MYT1: variants seen among roughly 807,000 people sequenced by gnomAD.
MYT1 encodes the protein myelin transcription factor 1.
Under a neutral mutation model 123.0 loss-of-function variants are expected in MYT1, and 23 were observed. The ratio of observed to expected loss-of-function variants is 0.19; its 90% CI spans 0.13 to 0.26. The LOEUF is 0.26. MYT1 is among the 10% of genes least tolerant of loss of function. The probability of loss-of-function intolerance (pLI) is 1.00; values close to 1 mark genes in which losing one functional copy is unlikely to be tolerated. For missense variants in MYT1, 1,125 were observed against 1,472.5 expected (o/e 0.76, Z 3.86); for synonymous variants, 518 against 575.3 (o/e 0.90, Z 1.43).
intron 8 of MYT1, 118 bp from the exon 9 acceptor site, chr20:64,211,930 C>A: frequency 1.2e-6 from 1 of 819,908 alleles, no homozygotes; most frequent in Non-Finnish European, 2.0e-6. Context: ...ACCTGCCTAC[C>A]AAGCAGCAGC....
At chr20:64,237,427 C>G (rs1984585814) in intron 21 of MYT1, 37 bp downstream of exon 21, 2 of 1,489,320 alleles carry the variant, frequency 1.3e-6, no homozygotes, top group Non-Finnish European at 1.8e-6. Flanking sequence ...GGCTCTTTGC[C>G]CACCCAACCC....
At position 64,164,473 on chromosome 20, in the gene MYT1, C is replaced by T. The variant is rs1243607368; in HGVS notation, c.-365C>T. ...GGGTAGCGTATTTACAAAGGAGCCT[C>T]CTCCGCCAGCCCGTGCCACCGCTGC... On this transcript the variant is annotated 5_prime_UTR_variant, in exon 1 of 23. Transcript: ENST00000328439. 2 of 152,186 alleles carry T rather than the reference C, an allele frequency of 1.3e-5. No homozygotes were observed. The highest frequency in any genetic ancestry group is 2.9e-5 in the Non-Finnish European group (2 of 68,042). The allele number at this position is 152,186 out of a possible 1,614,324, so 9.4% of individuals were successfully genotyped here.
intron 10 of MYT1, 134 bp from the exon 11 acceptor site, chr20:64,216,933 A>G (rs8120950): frequency 0.18 from 138,974 of 768,434 alleles, 13,649 homozygotes; most frequent in Middle Eastern, 0.24. Flanking sequence ...ATGCAGGGGT[A>G]GTGTCTTCCT....
chr20:64,170,884 TAGAGAGAGAG>T (rs71197459), intron 1 of MYT1, among the ~76,000 whole-genome samples: 402 of 19,866 alleles, frequency 0.02, 10 homozygotes, highest in Middle Eastern at 0.042. Context: ...TATATATATA[TAGAGAGAGAG>T]AGAGAGAGAG....
chr20:64,223,594 TA>T (rs1026430549), intron 16 of MYT1, among the ~76,000 whole-genome samples: 8 of 152,010 alleles, frequency 5.3e-5, no homozygotes, highest in Non-Finnish European at 1.0e-4. Context: ...CGCTGGGGGC[TA>T]GGGGTCGCTG....
At chr20:64,215,496 T>C (rs1983809950) in intron 10 of MYT1, among the ~76,000 whole-genome samples, 2 of 152,194 alleles carry the variant, frequency 1.3e-5, no homozygotes, top group African/African-American at 4.8e-5. Context: ...CAAAGCTTCG[T>C]TGGCATTGTG....
In MYT1 at chr20:64,208,048, AGAGGAAGAGGAGGAG is replaced by A. The variant is rs751682616; in HGVS notation, c.864_878del (p.Glu302_Glu306del). The A allele has an allele frequency of 1.3e-6, 2 of 1,586,486 alleles. No homozygotes were observed. The highest frequency in any genetic ancestry group is 1.7e-5 in the Admixed American group (1 of 59,038). On this transcript the variant is annotated inframe_deletion, in exon 7 of 23. Coordinates refer to ENST00000328439, the MANE Select transcript of MYT1 (RefSeq NM_004535.3). This position sits in a 1 kb window ranked among gnomAD's most constrained non-coding sequence, Gnocchi z 5.4. ...AAGAGGAAGAGGAAGAGGAGGAGGA[AGAGGAAGAGGAGGAG>A]GAGGAAGAGGAAGAGGAGGAGGAAG...
chr20:64,203,237 C>T lies in MYT1; in HGVS notation c.87-1798C>T, dbSNP rs1983377372. 6.6e-6 allele frequency among the ~76,000 whole-genome samples: 1 copy of T among 152,202 alleles called. No homozygotes were observed. The highest frequency in any genetic ancestry group is 1.5e-5 in the Non-Finnish European group (1 of 68,030). On this transcript the variant is annotated intron_variant, in intron 4 of 22. Transcript: ENST00000328439. This position sits in a 1 kb window ranked among gnomAD's most constrained non-coding sequence, Gnocchi z 5.1. ...TGACGTGTTCAGGGCAGTCCGGTCC[C>T]CACAGGCCTCCACAGCAGCTGTCAC...
At position 64,231,735 on chromosome 20, in the gene MYT1, C is replaced by T. The variant is rs988345736; in HGVS notation, c.2676-429C>T. 3.3e-5 allele frequency among the ~76,000 whole-genome samples: 5 copies of T among 152,152 alleles called. No homozygotes were observed. The highest frequency in any genetic ancestry group is 7.4e-5 in the Non-Finnish European group (5 of 68,018). On this transcript the variant is annotated intron_variant, in intron 18 of 22. Coordinates refer to ENST00000328439, the MANE Select transcript of MYT1 (RefSeq NM_004535.3). This position sits in a 1 kb window ranked among gnomAD's most constrained non-coding sequence, Gnocchi z 6.4. ...CATTCTTTTGTGATCCATAGGCCCC[C>T]AGGCCTATGCTTGATGCAAGCTCCC... is the stretch of plus-strand genomic sequence containing the variant.
chr20:64,199,358 G>T (rs1204617016), intron 3 of MYT1, among the ~76,000 whole-genome samples: 1 of 152,206 alleles, frequency 6.6e-6, no homozygotes, highest in Non-Finnish European at 1.5e-5. Context: ...CCAACCCCTG[G>T]CCAGACTTAC....
intron 19 of MYT1, among the ~76,000 whole-genome samples, chr20:64,235,685 T>TGGC (rs1984501334): frequency 4.2e-5 from 6 of 143,286 alleles, no homozygotes; most frequent in African/African-American, 1.1e-4. Context: ...GACACTGGGC[T>TGGC]GGTGGTGGTG....
In MYT1 at chr20:64,190,024, G is replaced by A. The variant is rs916071415; in HGVS notation, c.-98-39G>A. 5 of 152,648 alleles carry A rather than the reference G, an allele frequency of 3.3e-5. No homozygotes were observed. Among genetic ancestry groups the A allele is most frequent in the African/African-American group, 1.2e-4 (5 of 41,442 alleles). 9.5% of individuals were successfully genotyped at this position (152,648 alleles called of 1,614,324 possible). ...AGCCAGCACGGCTGGCACCCACCAA[G>A]CTTTCCTTTTCTGACCTTGAACCTT... On this transcript the variant is annotated intron_variant, in intron 1 of 22. Transcript: ENST00000328439. This position sits in a 1 kb window ranked among gnomAD's most constrained non-coding sequence, Gnocchi z 4.1.
Position 64,236,780 on chromosome 20 carries a change from A to T in MYT1, c.2989+134A>T, listed in dbSNP as rs1399465819. 6.8e-6 allele frequency: 5 copies of T among 735,684 alleles called. 1 individual carries two copies. In the East Asian group the frequency reaches 1.1e-4, roughly 16 times the overall value. 45.6% of individuals were successfully genotyped at this position (735,684 alleles called of 1,614,324 possible). A position where few individuals can be genotyped will look rare whatever the true frequency, so the allele number is the denominator to read the frequency against. On this transcript the variant is annotated intron_variant, in intron 20 of 22. Coordinates refer to ENST00000328439, the MANE Select transcript of MYT1 (RefSeq NM_004535.3). ...CTGGAATGAGTCACGGCAGAGGCAG[A>T]TCCCTTCACCTAAGCTGACAGCCTT...
chr20:64,198,273 C>T (rs369820429), intron 2 of MYT1, among the ~76,000 whole-genome samples: 36 of 120,014 alleles, frequency 3.0e-4, no homozygotes, highest in Admixed American at 1.0e-3. Flanking sequence ...GGCGACAGAG[C>T]GAGACTCCGT....
In MYT1 at chr20:64,232,363, G is replaced by C. The variant is rs1253144085; in HGVS notation, c.2875G>C (p.Gly959Arg). ...CTGTGACGGCTCTGGCCACGCCAAT[G>C]GGAGTTTCCTCACCCACCGGAGGTA... ...PGCDGSGHAN[G>R]SFLTHRSLSG... Residue 959 changes from glycine to arginine, a missense_variant, in exon 19 of 23, where the codon GGG (glycine) becomes CGG (arginine). By Grantham distance (125) the Gly-to-Arg change is moderately radical. Around this residue, in one of 4 missense-constraint regions of MYT1, gnomAD observed 243 missense variants for 323.1 expected, o/e 0.75. Transcript: ENST00000328439. This position sits in a 1 kb window ranked among gnomAD's most constrained non-coding sequence, Gnocchi z 6.9. 16 of 1,613,020 alleles carry C rather than the reference G, an allele frequency of 9.9e-6. No individual in the cohort carries two copies. The highest frequency in any genetic ancestry group is 1.3e-5 in the Non-Finnish European group (15 of 1,179,978).
intron 4 of MYT1, among the ~76,000 whole-genome samples, chr20:64,200,187 C>T (rs1225838878): frequency 1.3e-5 from 2 of 152,212 alleles, no homozygotes; most frequent in African/African-American, 4.8e-5. Flanking sequence ...CTGGTCACCA[C>T]GAGGACCTGG....
intron 1 of MYT1, among the ~76,000 whole-genome samples, chr20:64,178,663 C>T (rs1301597653): frequency 6.9e-6 from 1 of 144,104 alleles, no homozygotes; most frequent in African/African-American, 2.6e-5. Flanking sequence ...GGATGCCCTT[C>T]AACGTGGGAG....
intron 7 of MYT1, 25 bp from the exon 8 acceptor site, chr20:64,211,181 A>G (rs1455782807): frequency 6.3e-7 from 1 of 1,599,024 alleles, no homozygotes; most frequent in Non-Finnish European, 8.6e-7. Context: ...TCCTGGCTCT[A>G]ACTGATGTGA....
chr20:64,211,323 A>C lies in MYT1; in HGVS notation c.1409A>C (p.Asp470Ala). 1 of 1,613,578 alleles carries C rather than the reference A, an allele frequency of 6.2e-7. No individual in the cohort carries two copies. Among genetic ancestry groups the C allele is most frequent in the Non-Finnish European group, 8.5e-7 (1 of 1,179,628 alleles). Residue 470 changes from aspartate (D) to alanine (A), a missense_variant, in exon 8 of 23, where the codon GAT (aspartate) becomes GCT (alanine). By Grantham distance (126) the Asp-to-Ala change is moderately radical. Coordinates refer to ENST00000328439, the MANE Select transcript of MYT1 (RefSeq NM_004535.3). ...AGCCTTTCTGGCTGTCCCCACAAGG[A>C]TAGGATCCCCCCAGAGAGTGAGTAG... ...HRSLSGCPHK[D>A]RIPPEILAMH...
Sources: gnomAD v4.1 joint callset for allele counts (sites outside exome capture counted in the v4.1 genomes callset) on GRCh38, gnomAD v4.1.1 for gene constraint, gnomAD v4.1.1 regional missense constraint, Gnocchi (gnomAD v3.1) non-coding constraint, MANE v1.5 for transcripts, NCBI Gene and HGNC (gene_info 2026-07-23, HGNC 2026-07-21) for gene names.